TYW1: variants seen among roughly 807,000 people sequenced by gnomAD.
TYW1 encodes the protein tRNA-yW synthesizing protein 1 homolog, also known as S-adenosyl-L-methionine-dependent tRNA 4-demethylwyosine synthase TYW1.
Under a neutral mutation model 96.2 loss-of-function variants are expected in TYW1, and 46 were observed. That is an observed-to-expected ratio of 0.48 (90% CI 0.38 to 0.61). The LOEUF (loss-of-function observed/expected upper bound fraction) is 0.61, where lower values mean the gene tolerates loss of function less well. TYW1 is among the 20% of genes least tolerant of loss of function. The probability of loss-of-function intolerance (pLI) is 0.00; values close to 1 mark genes in which losing one functional copy is unlikely to be tolerated. For missense variants in TYW1, 684 were observed against 909.6 expected, an observed-to-expected ratio of 0.75 and a Z score of 3.19; for synonymous variants, 274 against 323.0, an observed-to-expected ratio of 0.85 and a Z score of 1.63.
intron 15 of TYW1, among the ~76,000 whole-genome samples, chr7:67,198,467 C>G (rs1180838855): frequency 1.3e-5 from 2 of 151,804 alleles, no homozygotes; most frequent in Non-Finnish European, 2.9e-5. Context: ...AGGAGAATCT[C>G]TTGAACCCGG....
In TYW1 at chr7:67,051,776, A is replaced by G. The variant is rs576975858; in HGVS notation, c.1102+1710A>G. ...ATTTAAGCTTACCTGTGGCGACTCC[A>G]AGGACTTTTTGAACATCTCTTGTAG... On this transcript the variant is annotated intron_variant, in intron 8 of 15. Coordinates refer to ENST00000359626, the MANE Select transcript of TYW1 (RefSeq NM_018264.4). Among the ~76,000 whole-genome samples, 234 of 148,536 alleles carry G rather than the reference A, an allele frequency of 1.6e-3. 1 individual carries two copies. Among genetic ancestry groups the G allele is most frequent in the Non-Finnish European group, 2.2e-3 (151 of 67,366 alleles).
chr7:67,038,908 G>GCAAAA (rs1412461631), intron 7 of TYW1, among the ~76,000 whole-genome samples: 1 of 151,904 alleles, frequency 6.6e-6, no homozygotes, highest in Non-Finnish European at 1.5e-5. Flanking sequence ...CATCTCAAAA[G>GCAAAA]CAAAACAAAA....
chr7:67,199,135 T>C (rs1800503094), intron 15 of TYW1, among the ~76,000 whole-genome samples: 2 of 152,040 alleles, frequency 1.3e-5, no homozygotes, highest in Non-Finnish European at 2.9e-5. Flanking sequence ...AGGTCAAGGC[T>C]GCAGTGACCC....
At chr7:67,172,828 A>G (rs1799557080) in intron 13 of TYW1, among the ~76,000 whole-genome samples, 1 of 152,044 alleles carries the variant, frequency 6.6e-6, no homozygotes, top group African/African-American at 2.4e-5. Context: ...GACTTTTTAA[A>G]AAACAAACAA....
intron 7 of TYW1, among the ~76,000 whole-genome samples, chr7:67,046,891 G>A (rs1795204957): frequency 6.6e-6 from 1 of 152,178 alleles, no homozygotes; most frequent in South Asian, 2.1e-4. Context: ...TGAAGGGACA[G>A]GGACAGTATT....
chr7:67,204,282 CTTTG>C (rs1053188920), intron 15 of TYW1, among the ~76,000 whole-genome samples: 4 of 151,968 alleles, frequency 2.6e-5, no homozygotes, highest in South Asian at 4.2e-4. Context: ...GTATCTGAGG[CTTTG>C]TTTGTTTCTC....
intron 3 of TYW1, among the ~76,000 whole-genome samples, chr7:67,001,297 T>G (rs1793379568): frequency 6.6e-6 from 1 of 152,156 alleles, no homozygotes; most frequent in Admixed American, 6.5e-5. Flanking sequence ...CAAACAGCCC[T>G]CAAGTCTCAG....
chr7:67,078,766 C>G (rs1345738482), intron 10 of TYW1, among the ~76,000 whole-genome samples: 1 of 152,056 alleles, frequency 6.6e-6, no homozygotes, highest in East Asian at 1.9e-4. Flanking sequence ...AATCTCGGTT[C>G]ACTGCAACCT....
intron 15 of TYW1, among the ~76,000 whole-genome samples, chr7:67,232,369 A>G (rs1276248901): frequency 1.3e-5 from 2 of 151,664 alleles, no homozygotes; most frequent in African/African-American, 2.4e-5. Flanking sequence ...GTGCAACCCC[A>G]TCTCTTCAAA....
intron 7 of TYW1, among the ~76,000 whole-genome samples, chr7:67,048,458 A>G (rs1795255202): frequency 6.6e-6 from 1 of 151,084 alleles, no homozygotes. Context: ...CTAAAGTGTA[A>G]CACAGATCTC....
intron 13 of TYW1, among the ~76,000 whole-genome samples, chr7:67,148,652 C>T (rs1279787177): frequency 6.6e-6 from 1 of 151,920 alleles, no homozygotes; most frequent in Non-Finnish European, 1.5e-5. Context: ...AGGATGGTCT[C>T]GATCTCCTGA....
chr7:67,230,203 C>A (rs1801704090), intron 15 of TYW1, among the ~76,000 whole-genome samples: 1 of 151,912 alleles, frequency 6.6e-6, no homozygotes, highest in South Asian at 2.1e-4. Context: ...AATGTGACTA[C>A]AACATGTTTA....
chr7:67,200,614 G>A lies in TYW1; in HGVS notation c.1977+5277G>A, dbSNP rs530400076. Among the ~76,000 whole-genome samples, 240 of 152,254 alleles carry A rather than the reference G, an allele frequency of 1.6e-3. 2 individuals carry two copies. The highest frequency in any genetic ancestry group is 5.7e-3 in the African/African-American group (235 of 41,548). ...TTACGGGAACTGCCATTCAAGGTGA[G>A]ATTTGGGTGGGGACACAGTCAAACC... is the stretch of plus-strand genomic sequence containing the variant. On this transcript the variant is annotated intron_variant, in intron 15 of 15. Coordinates refer to ENST00000359626, the MANE Select transcript of TYW1 (RefSeq NM_018264.4).
intron 15 of TYW1, among the ~76,000 whole-genome samples, chr7:67,207,736 T>TC (rs1563071782): frequency 6.9e-6 from 1 of 145,786 alleles, no homozygotes; most frequent in African/African-American, 2.6e-5. Flanking sequence ...TTTTTTTTTT[T>TC]TGGAGATGGA....
chr7:67,065,926 G>A (rs567137943), intron 9 of TYW1, among the ~76,000 whole-genome samples: 4 of 151,682 alleles, frequency 2.6e-5, no homozygotes, highest in Non-Finnish European at 4.4e-5. Flanking sequence ...CAGGAGAACC[G>A]CTTGAACTGG....
chr7:67,060,430 T>C (rs1795661759), intron 9 of TYW1, among the ~76,000 whole-genome samples: 1 of 152,216 alleles, frequency 6.6e-6, no homozygotes, highest in African/African-American at 2.4e-5. Flanking sequence ...ACAATGTCAG[T>C]TTGCATAATG....
intron 13 of TYW1, among the ~76,000 whole-genome samples, chr7:67,149,981 C>T (rs1249068380): frequency 6.6e-6 from 1 of 151,842 alleles, no homozygotes; most frequent in Non-Finnish European, 1.5e-5. Context: ...GCACATTTCC[C>T]TTCTTTTCTT....
At chr7:67,203,870 C>T (rs1309180275) in intron 15 of TYW1, among the ~76,000 whole-genome samples, 1 of 152,086 alleles carries the variant, frequency 6.6e-6, no homozygotes, top group Non-Finnish European at 1.5e-5. Context: ...TCTTGGTTTC[C>T]TCTCCATTCC....
At chr7:67,035,404 C>T (rs1351404983) in intron 7 of TYW1, among the ~76,000 whole-genome samples, 1 of 152,126 alleles carries the variant, frequency 6.6e-6, no homozygotes, top group Non-Finnish European at 1.5e-5. Flanking sequence ...GCGTGAGCCA[C>T]TGCGCCTGGC....
Sources: gnomAD v4.1 joint callset for allele counts (sites outside exome capture counted in the v4.1 genomes callset) on GRCh38, gnomAD v4.1.1 for gene constraint, MANE v1.5 for transcripts, NCBI Gene and HGNC (gene_info 2026-07-23, HGNC 2026-07-21) for gene names.